The following DRC8 variants were observed in gnomAD, a reference collection of about 807,000 sequenced individuals.
DRC8 encodes dynein regulatory complex subunit 8.
chr1:245,119,762 T>C, the DRC8 span, among the ~76,000 whole-genome samples: 3 of 151,812 alleles, frequency 2.0e-5, no homozygotes, highest in Non-Finnish European at 4.4e-5. Context: ...TGAAGCCCCG[T>C]CTCTACTAAA....
chr1:245,068,631 G>A, the DRC8 span, among the ~76,000 whole-genome samples: 1 of 149,914 alleles, frequency 6.7e-6, no homozygotes, highest in African/African-American at 2.5e-5. Flanking sequence ...TTTTAGAGAC[G>A]GGGCCTTGAA....
chr1:245,053,403 G>A, the DRC8 span, among the ~76,000 whole-genome samples: 5 of 152,140 alleles, frequency 3.3e-5, no homozygotes, highest in Non-Finnish European at 5.9e-5. Flanking sequence ...CATCCGTGTC[G>A]TCTGCACCAG....
the DRC8 span, chr1:245,086,938 CTAAA>C: frequency 1.2e-5 from 6 of 495,428 alleles, no homozygotes; most frequent in South Asian, 1.0e-4. Flanking sequence ...AAGTTTTAAT[CTAAA>C]TAAATAACCT....
At chr1:244,991,688 C>T in the DRC8 span, among the ~76,000 whole-genome samples, 12 of 152,262 alleles carry the variant, frequency 7.9e-5, no homozygotes, top group African/African-American at 2.4e-4. Context: ...CAGCATTTTG[C>T]TATTACCACC....
At chr1:245,015,724 AAG>A in the DRC8 span, 14,805 of 278,462 alleles carry the variant, frequency 0.053, 638 homozygotes, top group African/African-American at 0.12. Flanking sequence ...AAAAAAAAAA[AAG>A]AAAGAAAGAA....
chr1:245,022,437 T>G, the DRC8 span, among the ~76,000 whole-genome samples: 22 of 152,142 alleles, frequency 1.4e-4, no homozygotes, highest in African/African-American at 5.1e-4. Context: ...GTACTGGAAT[T>G]ACAGGCATGA....
At chr1:245,098,483 CAT>C in the DRC8 span, among the ~76,000 whole-genome samples, 2 of 152,176 alleles carry the variant, frequency 1.3e-5, no homozygotes, top group South Asian at 4.1e-4. Context: ...ACAAGGCAAA[CAT>C]AGTATCAGGG....
chr1:244,970,511 C>G, the DRC8 span: 4 of 1,504,498 alleles, frequency 2.7e-6, no homozygotes, highest in East Asian at 2.7e-5. Context: ...CACGGGGAAG[C>G]GCCGGGTGGG....
At chr1:245,029,107 G>A in the DRC8 span, among the ~76,000 whole-genome samples, 5 of 152,252 alleles carry the variant, frequency 3.3e-5, no homozygotes, top group South Asian at 2.1e-4. Flanking sequence ...GCATGGGGTC[G>A]GTCCTAGATA....
the DRC8 span, among the ~76,000 whole-genome samples, chr1:245,111,185 C>T: frequency 1.3e-5 from 2 of 152,122 alleles, no homozygotes; most frequent in Non-Finnish European, 1.5e-5. Flanking sequence ...GCAAAGATAT[C>T]TTTAAAAGGC....
At chr1:245,006,453 A>G in the DRC8 span, among the ~76,000 whole-genome samples, 1 of 151,972 alleles carries the variant, frequency 6.6e-6, no homozygotes, top group Non-Finnish European at 1.5e-5. Flanking sequence ...GGCGCATGCC[A>G]CCACACCCAG....
At chr1:244,979,390 C>T in the DRC8 span, among the ~76,000 whole-genome samples, 1 of 146,306 alleles carries the variant, frequency 6.8e-6, no homozygotes, top group Non-Finnish European at 1.5e-5. Flanking sequence ...ACTGCAACCT[C>T]TGCCTCCTGG....
the DRC8 span, among the ~76,000 whole-genome samples, chr1:245,024,053 C>T: frequency 6.6e-6 from 1 of 152,058 alleles, no homozygotes. Context: ...GCCTGTAATC[C>T]CAGCTACTTG....
chr1:245,066,450 A>C, the DRC8 span, among the ~76,000 whole-genome samples: 851 of 152,372 alleles, frequency 5.6e-3, 10 homozygotes, highest in African/African-American at 0.019. Flanking sequence ...TTAAGTATGC[A>C]TGTGTAAATA....
chr1:245,113,940 A>G, the DRC8 span, among the ~76,000 whole-genome samples: 2 of 152,216 alleles, frequency 1.3e-5, no homozygotes, highest in Non-Finnish European at 2.9e-5. Flanking sequence ...GGTGTTTGTC[A>G]TTGTTGGGAC....
chr1:245,044,550 GATTTATTT>G, the DRC8 span, among the ~76,000 whole-genome samples: 59,675 of 149,832 alleles, frequency 0.4, 12,228 homozygotes, highest in African/African-American at 0.46. Context: ...GCCCAGGCTG[GATTTATTT>G]ATTTATTTAT....
At chr1:244,970,464 A>C in the DRC8 span, 1 of 1,524,372 alleles carries the variant, frequency 6.6e-7, no homozygotes, top group Non-Finnish European at 8.7e-7. Flanking sequence ...GGAGCCGGGG[A>C]GCCGCTGCCC....
At chr1:245,090,735 T>C in the DRC8 span, among the ~76,000 whole-genome samples, 4 of 151,948 alleles carry the variant, frequency 2.6e-5, no homozygotes, top group Non-Finnish European at 5.9e-5. Context: ...CCTACGTGTC[T>C]TTGTCCTACT....
the DRC8 span, among the ~76,000 whole-genome samples, chr1:245,057,639 C>CTTT: frequency 6.9e-6 from 1 of 144,528 alleles, no homozygotes; most frequent in African/African-American, 2.5e-5. Context: ...CTTCAAAAAT[C>CTTT]TTTTTTTTTT....
Sources: gnomAD v4.1 joint callset for allele counts (sites outside exome capture counted in the v4.1 genomes callset) on GRCh38, gnomAD v4.1.1 for gene constraint, MANE v1.5 for transcripts, NCBI Gene and HGNC (gene_info 2026-07-23, HGNC 2026-07-21) for gene names.